The following GGNBP2 variants were observed in gnomAD, a reference collection of about 807,000 sequenced individuals.
GGNBP2 encodes gametogenetin-binding protein 2.
Under a neutral mutation model 85.9 loss-of-function variants are expected in GGNBP2, and 10 were observed. The observed-to-expected ratio is 0.12, with a 90% CI of 0.07 to 0.20. GGNBP2 has a LOEUF of 0.20. Ranked by LOEUF, GGNBP2 falls within the 10% of genes least tolerant of loss-of-function variation. The pLI is 1.00. For synonymous variants in GGNBP2, 287 were observed against 285.7 expected (o/e 1.00, Z -0.05); for missense variants, 595 against 857.8 (o/e 0.69, Z 3.83).
intron 6 of GGNBP2, among the ~76,000 whole-genome samples, chr17:36,573,546 A>G (rs145819248): frequency 0.013 from 1,940 of 152,324 alleles, 14 homozygotes; most frequent in Non-Finnish European, 0.02. Context: ...ATATATACCT[A>G]GAAGTGGGAT....
At position 36,579,319 on chromosome 17, in the gene GGNBP2, A is replaced by G. The variant is rs778076033; in HGVS notation, c.920A>G (p.Tyr307Cys). 1.9e-6 allele frequency: 3 copies of G among 1,614,090 alleles called. No individual in the cohort carries two copies. Among genetic ancestry groups the G allele is most frequent in the Middle Eastern group, 1.6e-4 (1 of 6,084 alleles). ...CTGACCTGCTTGGGAATTCATCTTT[A>G]TGAAAGACTGCATCGAATCTGGCAG... ...EVLTCLGIHL[Y>C]ERLHRIWQKL... Residue 307 changes from tyrosine (Y) to cysteine (C), a missense_variant, in exon 8 of 14, where the codon TAT becomes TGT. Physicochemically the swap from Tyr to Cys is radical, Grantham distance 194. This residue lies in a region of GGNBP2 where 92 missense variants were observed against 183.9 expected (regional missense o/e 0.50). Transcript: ENST00000613102.
intron 2 of GGNBP2, among the ~76,000 whole-genome samples, chr17:36,552,492 C>T (rs933731352): frequency 3.3e-5 from 5 of 152,122 alleles, no homozygotes; most frequent in Non-Finnish European, 5.9e-5. Flanking sequence ...CCATTGACTT[C>T]AGTTTTGCTT....
intron 5 of GGNBP2, among the ~76,000 whole-genome samples, chr17:36,563,110 A>T (rs780958432): frequency 4.8e-4 from 73 of 151,804 alleles, no homozygotes; most frequent in Non-Finnish European, 8.7e-4. Context: ...TACTAAAAAT[A>T]CAAAAATTAG....
chr17:36,547,854 T>G (rs1038879168), intron 2 of GGNBP2: 5 of 152,244 alleles, frequency 3.3e-5, no homozygotes, highest in Non-Finnish European at 7.3e-5. Flanking sequence ...TGCTGGGACT[T>G]CTGCACAGTC....
At chr17:36,552,571 T>G (rs1174897096) in intron 2 of GGNBP2, among the ~76,000 whole-genome samples, 1 of 152,086 alleles carries the variant, frequency 6.6e-6, no homozygotes, top group African/African-American at 2.4e-5. Flanking sequence ...AGTGTCTTTA[T>G]TATTACTTAT....
At chr17:36,549,713 G>A (rs1308909251) in intron 2 of GGNBP2, among the ~76,000 whole-genome samples, 3 of 151,906 alleles carry the variant, frequency 2.0e-5, no homozygotes, top group African/African-American at 4.8e-5. Context: ...CATTTTTAAT[G>A]GCTGTGTAAT....
intron 4 of GGNBP2, among the ~76,000 whole-genome samples, chr17:36,559,296 CAAAAAAAAA>C (rs892895973): frequency 1.6e-4 from 5 of 31,482 alleles, no homozygotes; most frequent in South Asian, 1.2e-3. Flanking sequence ...GACTCTGTCT[CAAAAAAAAA>C]AAAAAAAAAA....
At chr17:36,552,557 A>AT (rs2074320278) in intron 2 of GGNBP2, among the ~76,000 whole-genome samples, 1 of 152,228 alleles carries the variant, frequency 6.6e-6, no homozygotes, top group African/African-American at 2.4e-5. Context: ...TCTAATACAC[A>AT]TGAAGTGTCT....
At chr17:36,570,659 C>T (rs1284062137) in intron 6 of GGNBP2, among the ~76,000 whole-genome samples, 8 of 151,580 alleles carry the variant, frequency 5.3e-5, no homozygotes, top group African/African-American at 1.2e-4. Context: ...ACTGAGATCG[C>T]GCCATTGCGC....
intron 2 of GGNBP2, among the ~76,000 whole-genome samples, chr17:36,552,606 A>G (rs2074320921): frequency 6.6e-6 from 1 of 152,236 alleles, no homozygotes; most frequent in Admixed American, 6.5e-5. Context: ...AGAGGTATTA[A>G]TAAGACTGAG....
intron 2 of GGNBP2, among the ~76,000 whole-genome samples, chr17:36,551,311 A>T (rs2074306474): frequency 6.6e-6 from 1 of 151,306 alleles, no homozygotes. Context: ...GGTTCAAGTG[A>T]TTCTCCTGTC....
rs2074691113 is a variant in GGNBP2, at chr17:36,585,409, C to T, written c.1325C>T (p.Pro442Leu). Residue 442 changes from proline (P) to leucine (L), a missense_variant, in exon 10 of 14, where the codon CCT (proline) becomes CTT (leucine). This residue lies in a region of GGNBP2 where 85 missense variants were observed against 92.6 expected (regional missense o/e 0.92). Coordinates refer to ENST00000613102, the MANE Select transcript of GGNBP2 (RefSeq NM_024835.5). ...VTNENTSCTC[P>L]SSGNLLGSPK... The stretch of plus-strand genomic sequence containing the variant: ...AATGAAAATACATCATGTACCTGTC[C>T]TAGCAGTGGCAATCTTTTGGGGTCC... The T allele has an allele frequency of 6.2e-7, 1 of 1,608,202 alleles. No homozygotes were observed. Among genetic ancestry groups the T allele is most frequent in the Admixed American group, 1.7e-5 (1 of 58,826 alleles).
intron 6 of GGNBP2, chr17:36,576,649 G>GTA (rs1236643568): frequency 1.7e-5 from 2 of 116,474 alleles, no homozygotes; most frequent in Non-Finnish European, 3.3e-5. Flanking sequence ...ATATGTATAT[G>GTA]TATATATATG....
chr17:36,551,771 G>A (rs1431678663), intron 2 of GGNBP2, among the ~76,000 whole-genome samples: 1 of 151,974 alleles, frequency 6.6e-6, no homozygotes, highest in African/African-American at 2.4e-5. Flanking sequence ...AGAGGCTGCA[G>A]TGAGTCGAGA....
intron 9 of GGNBP2, 32 bp from the exon 10 acceptor site, chr17:36,585,268 T>C (rs1467512475): frequency 6.3e-7 from 1 of 1,588,538 alleles, no homozygotes; most frequent in Non-Finnish European, 8.6e-7. Context: ...GGAGTAAAGC[T>C]CTTGACTCTC....
intron 9 of GGNBP2, 97 bp downstream of exon 9, chr17:36,581,635 T>G: frequency 1.2e-6 from 1 of 847,662 alleles, no homozygotes; most frequent in Non-Finnish European, 1.8e-6. Flanking sequence ...ATCCCAGCAC[T>G]TTGGGAGGCC....
chr17:36,552,528 GA>G (rs1423546742), intron 2 of GGNBP2, among the ~76,000 whole-genome samples: 1 of 134,416 alleles, frequency 7.4e-6, no homozygotes, highest in African/African-American at 2.4e-5. Flanking sequence ...GTTAATGTAT[GA>G]AAGTGCTTAT....
chr17:36,589,495 C>A lies in GGNBP2; in HGVS notation c.*84C>A. ...TTTCGAAAAACTCTTAATTTAGTGA[C>A]TTATGGCAAAATTTTATCTTAAATC... On this transcript the variant is annotated 3_prime_UTR_variant, in exon 14 of 14. Transcript: ENST00000613102. The A allele has an allele frequency of 1.0e-6, 1 of 994,128 alleles. No homozygotes were observed. Among genetic ancestry groups the A allele is most frequent in the Non-Finnish European group, 1.5e-6 (1 of 651,530 alleles). 61.6% of individuals were successfully genotyped at this position (994,128 alleles called of 1,614,324 possible).
intron 4 of GGNBP2, among the ~76,000 whole-genome samples, 177 bp from the exon 5 acceptor site, chr17:36,560,596 A>G (rs1462705701): frequency 8.8e-6 from 1 of 114,224 alleles, no homozygotes; most frequent in African/African-American, 3.6e-5. Context: ...AGAGTCAGGT[A>G]GCAGTCAGTG....
Sources: gnomAD v4.1 joint callset for allele counts (sites outside exome capture counted in the v4.1 genomes callset) on GRCh38, gnomAD v4.1.1 for gene constraint, gnomAD v4.1.1 regional missense constraint, MANE v1.5 for transcripts, NCBI Gene and HGNC (gene_info 2026-07-23, HGNC 2026-07-21) for gene names.